Variants in ERG observed in about 807,000 individuals in gnomAD.
ERG encodes transcriptional regulator ERG.
Under a neutral mutation model 55.3 loss-of-function variants are expected in ERG, and 9 were observed. The observed-to-expected ratio is 0.16, with a 90% CI of 0.10 to 0.28. The LOEUF (loss-of-function observed/expected upper bound fraction) is 0.28, where lower values mean the gene tolerates loss of function less well. ERG is among the 10% of genes least tolerant of loss of function. The pLI, the probability that ERG is intolerant of heterozygous loss-of-function variation, is 1.00. For missense variants in ERG, 434 were observed against 631.6 expected, an observed-to-expected ratio of 0.69 and a Z score of 3.35; for synonymous variants, 223 against 237.3, an observed-to-expected ratio of 0.94 and a Z score of 0.55.
intron 1 of ERG, among the ~76,000 whole-genome samples, chr21:38,641,824 C>T (rs897623123): frequency 1.3e-5 from 2 of 152,044 alleles, no homozygotes; most frequent in Admixed American, 6.5e-5. Context: ...CTTTCAAGAG[C>T]GTATCTCAGT....
intron 2 of ERG, among the ~76,000 whole-genome samples, chr21:38,523,942 T>A (rs926328688): frequency 1.3e-5 from 2 of 152,236 alleles, no homozygotes; most frequent in African/African-American, 2.4e-5. Context: ...AAGGCAAGAC[T>A]GCGATTTAAG....
rs374408568 is a variant in ERG at position 38,618,761 on chromosome 21, CATCCATG to C, written c.-149-33823_-149-33817del. ...AGACAGAGTGAGCAGAGGTTAGTCACATCCATGTGGGTTCTAGCTCCCCTCTACCACT... is the reference window on the plus strand; with the variant it reads ...AGACAGAGTGAGCAGAGGTTAGTCACTGGGTTCTAGCTCCCCTCTACCACT... On this transcript the variant is annotated intron_variant, in intron 1 of 10. Transcript: ENST00000398910. 4.6e-3 allele frequency among the ~76,000 whole-genome samples: 706 copies of C among 152,320 alleles called. 5 individuals are homozygous for C. Among genetic ancestry groups the C allele is most frequent in the African/African-American group, 0.016 (679 of 41,568 alleles).
chr21:38,602,049 C>T (rs1476401955), intron 1 of ERG, among the ~76,000 whole-genome samples: 2 of 152,142 alleles, frequency 1.3e-5, no homozygotes, highest in Non-Finnish European at 2.9e-5. Flanking sequence ...TTCCTGAGTG[C>T]TTTTTACCTG....
intron 1 of ERG, among the ~76,000 whole-genome samples, chr21:38,593,259 A>G (rs989068756): frequency 6.6e-6 from 1 of 152,264 alleles, no homozygotes; most frequent in Non-Finnish European, 1.5e-5. Flanking sequence ...TGAAAGGCGG[A>G]TGACATCAAG....
At chr21:38,432,824 C>T (rs9983703) in intron 2 of ERG, among the ~76,000 whole-genome samples, 9,885 of 152,248 alleles carry the variant, frequency 0.065, 434 homozygotes, top group Non-Finnish European at 0.088. Context: ...AGTACTTCAC[C>T]GCCCCACTCT....
intron 2 of ERG, among the ~76,000 whole-genome samples, chr21:38,563,134 A>T (rs2059902850): frequency 6.6e-6 from 1 of 152,228 alleles, no homozygotes; most frequent in Admixed American, 6.5e-5. Context: ...GGAGGGATGA[A>T]CAGACACAGC....
Position 38,440,542 on chromosome 21 carries a change from C to T in ERG, c.236+4862G>A, listed in dbSNP as rs943439398. Among the ~76,000 whole-genome samples, 10 of 152,094 alleles carry T rather than the reference C, an allele frequency of 6.6e-5. 1 individual carries two copies. Among genetic ancestry groups the T allele is most frequent in the Non-Finnish European group, 4.4e-5 (3 of 68,016 alleles). ...ATTCGTAAAGAGCCCATAGTGAGGC[C>T]GGGCATGGTGGCTCACGCTTGTAAT... On this transcript the variant is annotated intron_variant, in intron 2 of 9. Transcript: ENST00000288319.
At chr21:38,459,963 G>A (rs370579518) in intron 1 of ERG, among the ~76,000 whole-genome samples, 4 of 152,190 alleles carry the variant, frequency 2.6e-5, no homozygotes, top group Non-Finnish European at 5.9e-5. Context: ...GGGTTAGAAG[G>A]TGGTAAGTGA....
At chr21:38,378,426 G>A (rs1398072263), downstream of ERG, among the ~76,000 whole-genome samples, 1 of 152,146 alleles carries the variant, frequency 6.6e-6, no homozygotes, top group East Asian at 1.9e-4. Context: ...TTGGCCAATG[G>A]GCATCCCTGC....
In ERG at chr21:38,381,846, G is replaced by A; in HGVS notation, c.*1557C>T. On this transcript the variant is annotated 3_prime_UTR_variant, in exon 10 of 10. Coordinates refer to ENST00000288319, the MANE Select transcript of ERG (RefSeq NM_182918.4). Reference sequence around the variant, plus strand: ...GCTAGAAATAAAAGACAGGAGGGGAGGCAAGAAGGACCTGGAGAGGCTGAC... The same window carrying A: ...GCTAGAAATAAAAGACAGGAGGGGAAGCAAGAAGGACCTGGAGAGGCTGAC... The A allele has an allele frequency of 9.4e-7, 1 of 1,063,780 alleles. No homozygotes were observed. The allele number at this position is 1,063,780 out of a possible 1,614,324, so 65.9% of individuals were successfully genotyped here.
At chr21:38,552,435 C>T (rs549220022) in intron 2 of ERG, among the ~76,000 whole-genome samples, 1 of 152,026 alleles carries the variant, frequency 6.6e-6, no homozygotes, top group East Asian at 1.9e-4. Context: ...AAATCCTCAA[C>T]AAAATACCAG....
intron 1 of ERG, among the ~76,000 whole-genome samples, chr21:38,462,147 A>T (rs1037771138): frequency 6.6e-6 from 1 of 151,860 alleles, no homozygotes; most frequent in African/African-American, 2.4e-5. Context: ...CGCCTGGCTA[A>T]TTTTTTTGTA....
At chr21:38,446,378 A>C (rs2058892561) in intron 1 of ERG, among the ~76,000 whole-genome samples, 1 of 152,190 alleles carries the variant, frequency 6.6e-6, no homozygotes, top group African/African-American at 2.4e-5. Context: ...GGTGAGAAGA[A>C]ATAGCAATTT....
chr21:38,371,764 A>C, the ERG span, among the ~76,000 whole-genome samples: 6 of 152,118 alleles, frequency 3.9e-5, no homozygotes, highest in Admixed American at 1.3e-4. Flanking sequence ...CTCCTTATGA[A>C]TATTTGGTTA....
At chr21:38,445,059 C>T (rs1329059404) in intron 2 of ERG, among the ~76,000 whole-genome samples, 1 of 152,048 alleles carries the variant, frequency 6.6e-6, no homozygotes, top group Non-Finnish European at 1.5e-5. Context: ...CCATCCTCTA[C>T]ACAAACCACT....
chr21:38,452,311 A>G (rs1252852953), intron 1 of ERG, among the ~76,000 whole-genome samples: 2 of 152,208 alleles, frequency 1.3e-5, no homozygotes, highest in African/African-American at 2.4e-5. Flanking sequence ...ATGCATGCAA[A>G]TACATACATG....
rs192467843 is a variant in ERG, at chr21:38,560,499, A to G, written c.-41+15163T>C. 1.7e-3 allele frequency among the ~76,000 whole-genome samples: 258 copies of G among 152,276 alleles called. 1 individual carries two copies. Among genetic ancestry groups the G allele is most frequent in the African/African-American group, 5.9e-3 (247 of 41,564 alleles). On this transcript the variant is annotated intron_variant, in intron 2 of 8. Coordinates refer to the ERG transcript ENST00000398897. ...TCCAGACCTCCCCGTTGGGTTGGTC[A>G]AACTATCAAATCTGTACCTGGTCTG... is the stretch of plus-strand genomic sequence containing the variant.
intron 1 of ERG, among the ~76,000 whole-genome samples, chr21:38,579,117 C>G (rs1016245146): frequency 6.6e-6 from 1 of 152,178 alleles, no homozygotes; most frequent in Admixed American, 6.5e-5. Flanking sequence ...CCAGGAGCAA[C>G]TGAATTCTCA....
chr21:38,534,821 A>G (rs979482419), intron 2 of ERG, among the ~76,000 whole-genome samples: 1 of 152,238 alleles, frequency 6.6e-6, no homozygotes. Context: ...AAGCAACCCA[A>G]TCGTCCATCC....
Sources: allele counts gnomAD v4.1 joint callset (sites outside exome capture counted in the v4.1 genomes callset), GRCh38; gene constraint gnomAD v4.1.1; transcripts MANE v1.5; gene names NCBI Gene and HGNC (gene_info 2026-07-23, HGNC 2026-07-21).